ART3: variants seen among roughly 807,000 people sequenced by gnomAD.
ART3 encodes ADP-ribosyltransferase 3 (inactive), also known as ecto-ADP-ribosyltransferase 3.
ART3 carries 49 observed loss-of-function variants against 48.5 expected under a neutral mutation model. That is an observed-to-expected ratio of 1.01 (90% CI 0.80 to 1.28). The LOEUF (loss-of-function observed/expected upper bound fraction) is 1.28. Among genes scored for constraint, ART3 ranks in the 50% most tolerant of loss-of-function variants. The pLI, the probability that ART3 is intolerant of heterozygous loss-of-function variation, is 0.00. For missense variants in ART3, 438 were observed against 454.3 expected, an observed-to-expected ratio of 0.96 and a Z score of 0.33; for synonymous variants, 145 against 157.2, an observed-to-expected ratio of 0.92 and a Z score of 0.58.
chr4:76,072,250 G>A (rs563379874), upstream of ART3, among the ~76,000 whole-genome samples: 72 of 152,116 alleles, frequency 4.7e-4, no homozygotes, highest in African/African-American at 1.6e-3. Context: ...ACTTTTTTGT[G>A]AGTTATTACA....
Position 76,095,822 on chromosome 4 carries a change from C to T in ART3, c.782-1822C>T, listed in dbSNP as rs763635974. Among the ~76,000 whole-genome samples the T allele has an allele frequency of 2.0e-5, 3 of 152,318 alleles. No homozygotes were observed. The South Asian group carries it at 6.2e-4, about 32-fold the overall frequency. On this transcript the variant is annotated intron_variant, in intron 3 of 11. Transcript: ENST00000355810. ...TCCCCAGGCTGCACCTTTCAACTTA[C>T]ATCTGTAGCTTTCTTATCCACAATT...
In ART3 at chr4:76,112,545, T is replaced by C; in HGVS notation, c.*26T>C. 6.3e-7 allele frequency: 1 copy of C among 1,597,624 alleles called. No individual in the cohort carries two copies. The highest frequency in any genetic ancestry group is 8.5e-7 in the Non-Finnish European group (1 of 1,170,586). ...TTTGATGCATTGTTTATCTTTCTTA[T>C]TCTTTACTTGAAATAACTATAGGGA... On this transcript the variant is annotated 3_prime_UTR_variant, in exon 12 of 12. Coordinates refer to ENST00000355810, the MANE Select transcript of ART3 (RefSeq NM_001130016.3).
At chr4:76,105,222 G>T (rs980794059) in intron 10 of ART3, among the ~76,000 whole-genome samples, 4 of 152,160 alleles carry the variant, frequency 2.6e-5, no homozygotes, top group Non-Finnish European at 2.9e-5. Context: ...CATCATTGGG[G>T]TCTTGCTCAT....
At chr4:76,078,582 T>G (rs1721656352) in intron 2 of ART3, among the ~76,000 whole-genome samples, 1 of 152,186 alleles carries the variant, frequency 6.6e-6, no homozygotes, top group Non-Finnish European at 1.5e-5. Context: ...CATGGCAGAA[T>G]TCTCTGTGGC....
chr4:76,025,355 T>C (rs1733281817), intron 1 of ART3, among the ~76,000 whole-genome samples: 1 of 152,196 alleles, frequency 6.6e-6, no homozygotes, highest in Non-Finnish European at 1.5e-5. Flanking sequence ...ACAGTTTTAT[T>C]TTAGTTGGTA....
chr4:76,053,492 A>T (rs1017259317), intron 1 of ART3, among the ~76,000 whole-genome samples: 9 of 152,158 alleles, frequency 5.9e-5, no homozygotes, highest in African/African-American at 1.7e-4. Flanking sequence ...TGTTTTATCT[A>T]TAACCAAATT....
At chr4:76,097,511 A>G in intron 3 of ART3, 133 bp from the exon 4 acceptor site, 1 of 721,962 alleles carries the variant, frequency 1.4e-6, no homozygotes, top group Non-Finnish European at 2.3e-6. Flanking sequence ...CCAGCCTGCA[A>G]TTTGCATCTT....
At chr4:76,062,072 T>A (rs759223959) in intron 1 of ART3, among the ~76,000 whole-genome samples, 10 of 151,004 alleles carry the variant, frequency 6.6e-5, no homozygotes, top group Non-Finnish European at 1.3e-4. Context: ...AGACAGGAAC[T>A]CACTAAAGAG....
chr4:76,012,345 G>A (rs1731883487), intron 1 of ART3: 1 of 152,076 alleles, frequency 6.6e-6, no homozygotes. Context: ...CCCTCCTCTC[G>A]GCAGCTGTTG....
At chr4:76,028,531 G>A (rs1176522926) in intron 1 of ART3, among the ~76,000 whole-genome samples, 6 of 152,160 alleles carry the variant, frequency 3.9e-5, no homozygotes, top group African/African-American at 9.7e-5. Context: ...ATGCTTTCCC[G>A]GAAACTGTTA....
chr4:76,083,799 G>C (rs1213837260), intron 3 of ART3, among the ~76,000 whole-genome samples: 1 of 152,200 alleles, frequency 6.6e-6, no homozygotes, highest in Non-Finnish European at 1.5e-5. Context: ...AGAGAAGCTT[G>C]GGAAGGGGGT....
chr4:76,097,633 T>C lies in ART3; in HGVS notation c.782-11T>C, dbSNP rs201540072. The C allele has an allele frequency of 2.5e-6, 4 of 1,602,614 alleles. No individual in the cohort carries two copies. Among genetic ancestry groups the C allele is most frequent in the South Asian group, 2.2e-5 (2 of 90,714 alleles). On this transcript the variant is annotated splice_polypyrimidine_tract_variant and intron_variant, in intron 3 of 11. Transcript: ENST00000355810. The stretch of plus-strand genomic sequence containing the variant: ...ATGTCTAACTAATAAAGCTTTATCT[T>C]TGTGTTTCAGGACTAAAAACCGAAA...
intron 10 of ART3, among the ~76,000 whole-genome samples, chr4:76,106,954 C>T (rs1474843896): frequency 2.0e-5 from 3 of 152,178 alleles, no homozygotes; most frequent in African/African-American, 7.2e-5. Context: ...AAGCCATACA[C>T]ATTCAGTAAA....
intron 1 of ART3, among the ~76,000 whole-genome samples, chr4:76,033,253 C>G (rs868079905): frequency 2.6e-5 from 4 of 152,108 alleles, no homozygotes; most frequent in Non-Finnish European, 5.9e-5. Flanking sequence ...AAGGACTAGC[C>G]AGAGTCATGC....
chr4:76,079,994 A>T (rs188682663), intron 2 of ART3, among the ~76,000 whole-genome samples: 83 of 150,138 alleles, frequency 5.5e-4, no homozygotes, highest in African/African-American at 1.7e-3. Flanking sequence ...TTTTTTTTTG[A>T]ATCTGTAACT....
chr4:76,020,481 T>A (rs997969378), intron 1 of ART3, among the ~76,000 whole-genome samples: 3 of 152,218 alleles, frequency 2.0e-5, no homozygotes, highest in African/African-American at 7.2e-5. Context: ...TGTGAAGATC[T>A]TCTTAGTAAG....
intron 1 of ART3, among the ~76,000 whole-genome samples, chr4:76,049,755 T>C (rs987313109): frequency 3.9e-5 from 6 of 151,996 alleles, no homozygotes; most frequent in East Asian, 1.9e-4. Context: ...GTCTTACCGC[T>C]CGGCGATAGG....
At chr4:76,036,025 T>C in intron 1 of ART3, 1 of 1,595,032 alleles carries the variant, frequency 6.3e-7, no homozygotes, top group Non-Finnish European at 8.6e-7. Flanking sequence ...CTGCTGCTGC[T>C]ACTTCAGCTT....
At chr4:76,107,115 G>A (rs927551499) in intron 10 of ART3, 2 of 152,140 alleles carry the variant, frequency 1.3e-5, no homozygotes, top group Non-Finnish European at 2.9e-5. Flanking sequence ...TTCTGAGCAC[G>A]TTTAAGGTAG....
Sources: allele counts gnomAD v4.1 joint callset (sites outside exome capture counted in the v4.1 genomes callset), GRCh38; gene constraint gnomAD v4.1.1; transcripts MANE v1.5; gene names NCBI Gene and HGNC (gene_info 2026-07-23, HGNC 2026-07-21).